Variants in USP37 observed in about 807,000 individuals in gnomAD.
The protein encoded by USP37 is ubiquitin carboxyl-terminal hydrolase 37.
USP37 carries 27 observed loss-of-function variants against 124.0 expected under a neutral mutation model. The observed-to-expected ratio is 0.22, with a 90% CI of 0.16 to 0.30. USP37 has a LOEUF of 0.30. Ranked by LOEUF, USP37 falls within the 10% of genes least tolerant of loss-of-function variation. USP37 has a pLI of 1.00. For missense variants in USP37, 889 were observed against 1,140.4 expected (o/e 0.78, Z 3.17); for synonymous variants, 365 against 388.0 (o/e 0.94, Z 0.70).
chr2:218,546,688 G>A (rs1359107827), intron 7 of USP37, among the ~76,000 whole-genome samples: 2 of 152,076 alleles, frequency 1.3e-5, no homozygotes, highest in African/African-American at 2.4e-5. Context: ...CAAAGTGTTG[G>A]GATTACAGGC....
chr2:218,465,924 AG>A lies in USP37; in HGVS notation c.2466+85del, dbSNP rs1690291790. On this transcript the variant is annotated intron_variant, in intron 21 of 25. Coordinates refer to ENST00000258399, the MANE Select transcript of USP37 (RefSeq NM_020935.3). Reference sequence around the variant, plus strand: ...TCATCTGGAACAATGTCTGACACATAGTAAGTGCTCAACACATTAGTTATTA... The same window carrying A: ...TCATCTGGAACAATGTCTGACACATATAAGTGCTCAACACATTAGTTATTA... 3 of 1,448,050 alleles carry A rather than the reference AG, an allele frequency of 2.1e-6. No individual in the cohort carries two copies. The African/African-American group carries it at 4.3e-5, about 21-fold the overall frequency. The allele number at this position is 1,448,050 out of a possible 1,614,324, so 89.7% of individuals were successfully genotyped here.
rs370645896 is a variant in USP37, at chr2:218,450,482, G to A, written c.*4448C>T. 2.0e-4 allele frequency: 30 copies of A among 152,734 alleles called. No individual in the cohort carries two copies. The highest frequency in any genetic ancestry group is 1.0e-3 in the Admixed American group (16 of 15,296). The allele number at this position is 152,734 out of a possible 1,614,324, so 9.5% of individuals were successfully genotyped here. ...TGTGGCCACAGCTGCCAGAAAACCT[G>A]GTAGTGGCTCAATTAGGCAAAGTGT... On this transcript the variant is annotated 3_prime_UTR_variant, in exon 26 of 26. Transcript: ENST00000258399.
intron 21 of USP37, among the ~76,000 whole-genome samples, chr2:218,464,251 T>C (rs879165549): frequency 6.6e-6 from 1 of 152,008 alleles, no homozygotes; most frequent in Non-Finnish European, 1.5e-5. Flanking sequence ...TTTTTTTTTT[T>C]TGAGACAGAG....
intron 8 of USP37, among the ~76,000 whole-genome samples, chr2:218,535,542 C>G (rs180952959): frequency 6.6e-6 from 1 of 151,738 alleles, no homozygotes; most frequent in East Asian, 1.9e-4. Flanking sequence ...GAAACCCCAT[C>G]TCTATTAAAA....
intron 20 of USP37, among the ~76,000 whole-genome samples, chr2:218,472,186 G>A (rs574551888): frequency 1.3e-5 from 2 of 152,262 alleles, no homozygotes; most frequent in African/African-American, 4.8e-5. Context: ...AAGCACAAAA[G>A]GGGAAGTTGC....
intron 10 of USP37, chr2:218,528,132 G>GTT (rs1303487319): frequency 6.6e-6 from 1 of 152,174 alleles, no homozygotes; most frequent in Admixed American, 6.5e-5. Context: ...AACCCAGAAG[G>GTT]CAGAGGTTGC....
intron 23 of USP37, among the ~76,000 whole-genome samples, chr2:218,458,241 A>AGCGAGACT (rs1277979439): frequency 5.2e-5 from 7 of 135,678 alleles, no homozygotes; most frequent in African/African-American, 1.6e-4. Flanking sequence ...TGGGTGACAG[A>AGCGAGACT]CAGACCTTGC....
At chr2:218,520,649 G>A (rs1409341623) in intron 10 of USP37, among the ~76,000 whole-genome samples, 1 of 151,992 alleles carries the variant, frequency 6.6e-6, no homozygotes, top group Non-Finnish European at 1.5e-5. Flanking sequence ...ACTGTGCCTG[G>A]CCCTTGCCAA....
intron 22 of USP37, 111 bp downstream of exon 22, chr2:218,463,173 TAAACACACACACACACACACAC>T (rs869278840): frequency 1.4e-6 from 1 of 730,220 alleles, no homozygotes; most frequent in East Asian, 3.0e-5. Flanking sequence ...TCCCCCACAA[TAAACACACACACACACACACAC>T]ACACACACAC....
rs1057294171 is a variant in USP37, at chr2:218,453,226, A to G, written c.*1704T>C. On this transcript the variant is annotated 3_prime_UTR_variant, in exon 26 of 26. Transcript: ENST00000258399. ...GGCAATCTTTCAGAAAAGATGTTGC[A>G]TCTTCTGTGATGATGGTTTGTGTTT... 2 of 152,022 alleles carry G rather than the reference A, an allele frequency of 1.3e-5. No homozygotes were observed. The highest frequency in any genetic ancestry group is 2.9e-5 in the Non-Finnish European group (2 of 68,020). 9.4% of individuals were successfully genotyped at this position (152,022 alleles called of 1,614,324 possible).
chr2:218,556,339 T>C (rs1464816927), intron 4 of USP37, among the ~76,000 whole-genome samples: 1 of 151,886 alleles, frequency 6.6e-6, no homozygotes, highest in Admixed American at 6.6e-5. Flanking sequence ...AAATTCAGGG[T>C]TAAAGAAAAA....
rs1689574692 is a variant in USP37, at chr2:218,454,092, A to T, written c.*838T>A. 6.6e-6 allele frequency: 1 copy of T among 152,660 alleles called. No individual in the cohort carries two copies. The highest frequency in any genetic ancestry group is 6.5e-5 in the Admixed American group (1 of 15,278). 9.5% of individuals were successfully genotyped at this position (152,660 alleles called of 1,614,324 possible). A position where few individuals can be genotyped will look rare whatever the true frequency, so the allele number is the denominator to read the frequency against. ...TCCATGGCAGAATGACAAAAAAGAA[A>T]AAAGATTCTATCTTTACCACCATAA... On this transcript the variant is annotated 3_prime_UTR_variant, in exon 26 of 26. Transcript: ENST00000258399.
rs552205176 is a variant in USP37 at position 218,482,668 on chromosome 2, T to G, written c.1671-434A>C. ...ATATTTGATGGTAAACATTAATTAC[T>G]TCAAGATGATTTTTGATGAGAATTA... On this transcript the variant is annotated intron_variant, in intron 16 of 25. Coordinates refer to ENST00000258399, the MANE Select transcript of USP37 (RefSeq NM_020935.3). Among the ~76,000 whole-genome samples, 69 of 152,342 alleles carry G rather than the reference T, an allele frequency of 4.5e-4. 1 individual carries two copies. Among genetic ancestry groups the G allele is most frequent in the African/African-American group, 1.6e-3 (66 of 41,582 alleles).
chr2:218,547,671 T>C (rs1692435010), intron 6 of USP37, among the ~76,000 whole-genome samples: 1 of 150,784 alleles, frequency 6.6e-6, no homozygotes, highest in Non-Finnish European at 1.5e-5. Context: ...AATATCTAAT[T>C]ATGATTATGA....
At chr2:218,504,332 CAG>C (rs1396316779) in intron 11 of USP37, among the ~76,000 whole-genome samples, 1 of 152,168 alleles carries the variant, frequency 6.6e-6, no homozygotes, top group Non-Finnish European at 1.5e-5. Context: ...GTATGCAGCA[CAG>C]AGTTCAGTTT....
chr2:218,523,680 A>G (rs1215925628), intron 10 of USP37, among the ~76,000 whole-genome samples: 1 of 152,034 alleles, frequency 6.6e-6, no homozygotes, highest in African/African-American at 2.4e-5. Flanking sequence ...TGCCCCCTTA[A>G]GTACTGTGAT....
intron 23 of USP37, 63 bp downstream of exon 23, chr2:218,459,727 A>T: frequency 7.0e-7 from 1 of 1,424,462 alleles, no homozygotes; most frequent in Non-Finnish European, 9.7e-7. Flanking sequence ...GGGCCTTTGA[A>T]GTAAAGAGTG....
In USP37 at chr2:218,452,057, T is replaced by C. The variant is rs760676053; in HGVS notation, c.*2873A>G. The C allele has an allele frequency of 6.6e-6, 1 of 152,666 alleles. No homozygotes were observed. The highest frequency in any genetic ancestry group is 1.5e-5 in the Non-Finnish European group (1 of 68,052). The allele number at this position is 152,666 out of a possible 1,614,324, so 9.5% of individuals were successfully genotyped here. ...AAGAAATTAACAGCATCCAGCCACA[T>C]GCAACTTTCCAACCTTCAGTACTAT... On this transcript the variant is annotated 3_prime_UTR_variant, in exon 26 of 26. Coordinates refer to ENST00000258399, the MANE Select transcript of USP37 (RefSeq NM_020935.3).
chr2:218,465,337 G>A (rs1574840932), intron 21 of USP37, among the ~76,000 whole-genome samples: 2 of 151,300 alleles, frequency 1.3e-5, no homozygotes, highest in South Asian at 2.1e-4. Flanking sequence ...AGCACTTTAG[G>A]AGGCCAAAAG....
Sources: gnomAD v4.1 joint callset for allele counts (sites outside exome capture counted in the v4.1 genomes callset) on GRCh38, gnomAD v4.1.1 for gene constraint, MANE v1.5 for transcripts, NCBI Gene and HGNC (gene_info 2026-07-23, HGNC 2026-07-21) for gene names.